Variants in IL24 observed in about 807,000 individuals in gnomAD.
IL24 encodes the protein interleukin-24.
IL24 carries 24 observed loss-of-function variants against 27.6 expected under a neutral mutation model. That is an observed-to-expected ratio of 0.87 (90% CI 0.63 to 1.22). The LOEUF (loss-of-function observed/expected upper bound fraction) is 1.22. IL24 is among the 50% of genes most tolerant of loss of function. The pLI, the probability that IL24 is intolerant of heterozygous loss-of-function variation, is 0.00. For synonymous variants in IL24, 99 were observed against 93.1 expected (o/e 1.06, Z -0.36); for missense variants, 240 against 237.0 (o/e 1.01, Z -0.08).
chr1:206,899,120 G>A (rs1349889328), intron 2 of IL24, among the ~76,000 whole-genome samples, 200 bp from the exon 3 acceptor site: 1 of 152,182 alleles, frequency 6.6e-6, no homozygotes, highest in Non-Finnish European at 1.5e-5. Context: ...CAAGACGAGC[G>A]GCCTTAAGTT....
chr1:206,897,872 G>A lies in IL24; in HGVS notation c.40G>A (p.Ala14Thr). 6.2e-7 allele frequency: 1 copy of A among 1,600,374 alleles called. No homozygotes were observed. The change falls in exon 2 of 7, where the codon GCC becomes ACC. Residue 14 changes from alanine (A) to threonine (T), a missense_variant. Ala to Thr is a moderately conservative substitution (Grantham distance 58). Transcript: ENST00000294984. Reference sequence around the variant, plus strand: ...GAGGCTGCAAAGCCTGTGGACTTTAGCCAGGTGCGGTGGCTCACACCTGTA... The same window carrying A: ...GAGGCTGCAAAGCCTGTGGACTTTAACCAGGTGCGGTGGCTCACACCTGTA... ...QQRLQSLWTL[A>T]RPFCPPLLAT... is the part of the protein sequence containing the mutation.
intron 3 of IL24, among the ~76,000 whole-genome samples, chr1:206,899,964 A>G (rs1251925481): frequency 6.6e-6 from 1 of 152,204 alleles, no homozygotes; most frequent in Non-Finnish European, 1.5e-5. Context: ...CTTAAAGCAG[A>G]TAGGCTTATT....
intron 2 of IL24, 100 bp from the exon 3 acceptor site, chr1:206,899,220 C>T: frequency 1.6e-6 from 2 of 1,249,096 alleles, no homozygotes; most frequent in South Asian, 2.9e-5. Context: ...TTGGAGAGTG[C>T]TCGAGATTGG....
At position 206,897,796 on chromosome 1, in the gene IL24, C is replaced by T. The variant is rs1297750455; in HGVS notation, c.-37C>T. Reference sequence around the variant, plus strand: ...TTAACACCAAGAAGAATTGAGGCTGCTTGGGAGGAAGGCCAGGAGGAACAC... The same window carrying T: ...TTAACACCAAGAAGAATTGAGGCTGTTTGGGAGGAAGGCCAGGAGGAACAC... On this transcript the variant is annotated 5_prime_UTR_variant, in exon 2 of 7. Transcript: ENST00000294984. 8 of 1,611,464 alleles carry T rather than the reference C, an allele frequency of 5.0e-6. No individual in the cohort carries two copies. In the South Asian group the frequency reaches 8.8e-5, roughly 18 times the overall value.
At chr1:206,902,714 G>C (rs1678442693) in intron 6 of IL24, 2 of 985,376 alleles carry the variant, frequency 2.0e-6, no homozygotes, top group Non-Finnish European at 2.4e-6. Context: ...GCAGTTTGTG[G>C]TTGCTGTTGT....
Position 206,897,780 on chromosome 1 carries a change from A to C in IL24, c.-53A>C, listed in dbSNP as rs1558639326. On this transcript the variant is annotated 5_prime_UTR_variant, in exon 2 of 7. Transcript: ENST00000294984. ...AGCTGCTTTCGCCAATTTAACACCA[A>C]GAAGAATTGAGGCTGCTTGGGAGGA... 1 of 1,608,538 alleles carries C rather than the reference A, an allele frequency of 6.2e-7. No individual in the cohort carries two copies. The highest frequency in any genetic ancestry group is 8.5e-7 in the Non-Finnish European group (1 of 1,176,384).
At chr1:206,898,268 C>T (rs1678237067) in intron 2 of IL24, among the ~76,000 whole-genome samples, 1 of 151,662 alleles carries the variant, frequency 6.6e-6, no homozygotes, top group South Asian at 2.1e-4. Context: ...TGACCCATAA[C>T]CCAGGGGTCG....
intron 5 of IL24, 36 bp from the exon 6 acceptor site, chr1:206,901,961 TA>T (rs1558641749): frequency 1.2e-6 from 2 of 1,607,138 alleles, no homozygotes; most frequent in East Asian, 2.2e-5. Context: ...TGCTCCTATC[TA>T]AAAATTGGCA....
intron 3 of IL24, among the ~76,000 whole-genome samples, 172 bp downstream of exon 3, chr1:206,899,687 C>T (rs1455554547): frequency 1.3e-5 from 2 of 152,190 alleles, no homozygotes; most frequent in Non-Finnish European, 2.9e-5. Context: ...GCCCCATTTA[C>T]ACATGAGGAA....
At position 206,897,725 on chromosome 1, in the gene IL24, A is replaced by G. The variant is rs1678213047; in HGVS notation, c.-102-6A>G. 1 of 1,142,846 alleles carries G rather than the reference A, an allele frequency of 8.8e-7. No homozygotes were observed. The highest frequency in any genetic ancestry group is 1.3e-6 in the Non-Finnish European group (1 of 773,430). 70.8% of individuals were successfully genotyped at this position (1,142,846 alleles called of 1,614,324 possible). Reference sequence around the variant, plus strand: ...CAGAAGTCAATTTTTTTGAGTGTTGATGTAGGGACAAGACATGACTGTGAT... The same window carrying G: ...CAGAAGTCAATTTTTTTGAGTGTTGGTGTAGGGACAAGACATGACTGTGAT... On this transcript the variant is annotated splice_region_variant and splice_polypyrimidine_tract_variant and intron_variant, in intron 1 of 6. Transcript: ENST00000294984.
At chr1:206,898,164 CAAAAAA>C (rs59175256) in intron 2 of IL24, among the ~76,000 whole-genome samples, 2,883 of 100,008 alleles carry the variant, frequency 0.029, 34 homozygotes, top group Non-Finnish European at 0.039. Context: ...GAAATTCTGT[CAAAAAA>C]AAAAAAAAAA....
chr1:206,898,191 G>T (rs1266850143), intron 2 of IL24, among the ~76,000 whole-genome samples: 1 of 134,920 alleles, frequency 7.4e-6, no homozygotes, highest in Non-Finnish European at 1.5e-5. Context: ...AAAAAAGCCT[G>T]TGGAGTTTGA....
intron 2 of IL24, among the ~76,000 whole-genome samples, chr1:206,898,418 C>T (rs879353526): frequency 1.5e-4 from 21 of 140,832 alleles, no homozygotes; most frequent in African/African-American, 4.6e-4. Flanking sequence ...TAAAGAAGTA[C>T]GAAAGAAAGG....
chr1:206,902,680 G>C (rs1366615834), intron 6 of IL24: 25 of 985,238 alleles, frequency 2.5e-5, no homozygotes, highest in Non-Finnish European at 2.4e-5. Flanking sequence ...GGATTCAGGT[G>C]GTGGGCCATA....
chr1:206,899,218 T>C, intron 2 of IL24, 102 bp from the exon 3 acceptor site: 1 of 1,198,598 alleles, frequency 8.3e-7, no homozygotes, highest in South Asian at 1.5e-5. Flanking sequence ...CATTGGAGAG[T>C]GCTCGAGATT....
Position 206,899,184 on chromosome 1 carries a change from G to A in IL24, c.45-136G>A, listed in dbSNP as rs562896156. The A allele has an allele frequency of 7.4e-4, 637 of 861,798 alleles. 2 individuals carry two copies. Among genetic ancestry groups the A allele is most frequent in the Non-Finnish European group, 1.0e-3 (593 of 571,658 alleles). The allele number at this position is 861,798 out of a possible 1,614,324, so 53.4% of individuals were successfully genotyped here. On this transcript the variant is annotated intron_variant, in intron 2 of 6. Coordinates refer to ENST00000294984, the MANE Select transcript of IL24 (RefSeq NM_006850.3). The stretch of plus-strand genomic sequence containing the variant: ...CCCACTGCACCTTAGCAAGGCTGCC[G>A]GTTTGCAATAGTCTCAACTTGCCCA...
intron 6 of IL24, 105 bp from the exon 7 acceptor site, chr1:206,902,871 C>T: frequency 1.3e-6 from 2 of 1,591,936 alleles, no homozygotes; most frequent in Non-Finnish European, 1.7e-6. Flanking sequence ...CCAAAGGTGA[C>T]CCATCCCTTG....
chr1:206,899,349 C>G lies in IL24; in HGVS notation c.74C>G (p.Ala25Gly). The change falls in exon 3 of 7, where the codon GCC becomes GGC. Residue 25 changes from alanine to glycine, a missense_variant. Ala to Gly is a moderately conservative substitution (Grantham distance 60). Coordinates refer to ENST00000294984, the MANE Select transcript of IL24 (RefSeq NM_006850.3). The part of the protein sequence containing the change: ...RPFCPPLLAT[A>G]SQMQMVVLPC... The stretch of plus-strand genomic sequence containing the variant: ...TTCTGCCCTCCTTTGCTGGCGACAG[C>G]CTCTCAAATGCAGATGGTTGTGCTC... The G allele has an allele frequency of 6.2e-7, 1 of 1,614,156 alleles. No individual in the cohort carries two copies. Among genetic ancestry groups the G allele is most frequent in the Non-Finnish European group, 8.5e-7 (1 of 1,180,002 alleles).
intron 2 of IL24, among the ~76,000 whole-genome samples, chr1:206,898,807 G>A (rs995479390): frequency 1.5e-4 from 23 of 152,248 alleles, no homozygotes; most frequent in African/African-American, 5.5e-4. Flanking sequence ...TTAACCCCTT[G>A]CTCCCTTGTG....
Sources: gnomAD v4.1 joint callset for allele counts (sites outside exome capture counted in the v4.1 genomes callset) on GRCh38, gnomAD v4.1.1 for gene constraint, MANE v1.5 for transcripts, NCBI Gene and HGNC (gene_info 2026-07-23, HGNC 2026-07-21) for gene names.